TMED5: variants seen among roughly 807,000 people sequenced by gnomAD.
TMED5 encodes the protein transmembrane p24 trafficking protein 5, also known as transmembrane emp24 domain-containing protein 5.
Under a neutral mutation model 23.0 loss-of-function variants are expected in TMED5, and 27 were observed. The observed-to-expected ratio is 1.17, with a 90% CI of 0.86 to 1.62. TMED5 has a LOEUF of 1.62. TMED5 is among the 40% of genes most tolerant of loss of function. The pLI is 0.00. For synonymous variants in TMED5, 97 were observed against 100.8 expected (o/e 0.96, Z 0.23); for missense variants, 248 against 273.7 (o/e 0.91, Z 0.66).
intron 1 of TMED5, among the ~76,000 whole-genome samples, chr1:93,172,027 T>TA (rs1323748580): frequency 2.0e-5 from 3 of 152,262 alleles, no homozygotes; most frequent in South Asian, 2.1e-4. Flanking sequence ...TATTTAATAT[T>TA]AAAAAAATCT....
chr1:93,166,347 C>T (rs1402781044), intron 1 of TMED5, among the ~76,000 whole-genome samples: 1 of 152,156 alleles, frequency 6.6e-6, no homozygotes, highest in Non-Finnish European at 1.5e-5. Context: ...CCAAACTGTT[C>T]TCCATAGTGG....
chr1:93,154,538 A>C lies in TMED5; in HGVS notation c.*132T>G. 1.6e-6 allele frequency: 1 copy of C among 645,004 alleles called. No individual in the cohort carries two copies. Among genetic ancestry groups the C allele is most frequent in the Non-Finnish European group, 2.6e-6 (1 of 379,410 alleles). The allele number at this position is 645,004 out of a possible 1,614,324, so 40.0% of individuals were successfully genotyped here. On this transcript the variant is annotated 3_prime_UTR_variant, in exon 4 of 4. Transcript: ENST00000370282. ...CAGAAAGTGAAGACTTAATTTTCACATTAAAATTATACCTGTTTCCTACTT... is the reference window on the plus strand; with the variant it reads ...CAGAAAGTGAAGACTTAATTTTCACCTTAAAATTATACCTGTTTCCTACTT...
In TMED5 at chr1:93,158,058, A is replaced by G. The variant is rs542708708; in HGVS notation, c.288-1575T>C. ...AGAATGGCGTGAACCCAGGAGGCGG[A>G]GCTTGCAGTGAGCCGAGATCGCGCC... is the stretch of plus-strand genomic sequence containing the variant. On this transcript the variant is annotated intron_variant, in intron 2 of 3. Coordinates refer to ENST00000370282, the MANE Select transcript of TMED5 (RefSeq NM_016040.5). Among the ~76,000 whole-genome samples, 14 of 145,642 alleles carry G rather than the reference A, an allele frequency of 9.6e-5. No homozygotes were observed. In the South Asian group the frequency reaches 3.1e-3, roughly 32 times the overall value.
chr1:93,173,939 A>G (rs1423073538), intron 1 of TMED5, among the ~76,000 whole-genome samples: 1 of 152,122 alleles, frequency 6.6e-6, no homozygotes, highest in Admixed American at 6.5e-5. Flanking sequence ...CAGGCATTCA[A>G]TAGAGTTACA....
chr1:93,152,489 C>T lies in TMED5; in HGVS notation c.*2181G>A, dbSNP rs1647913985. ...TGCCTCTTAAATATCTGTCTTTTTACTTTGTCTATAAAAATAATTGTCCTT... is the reference window on the plus strand; with the variant it reads ...TGCCTCTTAAATATCTGTCTTTTTATTTTGTCTATAAAAATAATTGTCCTT... On this transcript the variant is annotated 3_prime_UTR_variant, in exon 4 of 4. Transcript: ENST00000370282. 6.6e-6 allele frequency: 1 copy of T among 152,090 alleles called. No homozygotes were observed. Among genetic ancestry groups the T allele is most frequent in the Non-Finnish European group, 1.5e-5 (1 of 67,956 alleles). 9.4% of individuals were successfully genotyped at this position (152,090 alleles called of 1,614,324 possible).
rs1445916363 is a variant in TMED5 at position 93,150,355 on chromosome 1, T to A, written c.*4315A>T. On this transcript the variant is annotated 3_prime_UTR_variant, in exon 4 of 4. Transcript: ENST00000370282. ...TCCATGGTGTGGACATACTAAACCA[T>A]TCACTCTTTTTGAAGGACATCCAGG... 1 of 152,238 alleles carries A rather than the reference T, an allele frequency of 6.6e-6. No homozygotes were observed. The highest frequency in any genetic ancestry group is 2.4e-5 in the African/African-American group (1 of 41,468). 9.4% of individuals were successfully genotyped at this position (152,238 alleles called of 1,614,324 possible). A position where few individuals can be genotyped will look rare whatever the true frequency, so the allele number is the denominator to read the frequency against.
Position 93,154,615 on chromosome 1 carries a change from G to A in TMED5, c.*55C>T. 7.8e-7 allele frequency: 1 copy of A among 1,286,580 alleles called. No individual in the cohort carries two copies. Among genetic ancestry groups the A allele is most frequent in the Non-Finnish European group, 1.1e-6 (1 of 900,090 alleles). The allele number at this position is 1,286,580 out of a possible 1,614,324, so 79.7% of individuals were successfully genotyped here. On this transcript the variant is annotated 3_prime_UTR_variant, in exon 4 of 4. Transcript: ENST00000370282. Reference sequence around the variant, plus strand: ...ACCATTAATGGTCTTGACTGTAACAGTTTATTGCATTTTTATGCCTCATTT... The same window carrying A: ...ACCATTAATGGTCTTGACTGTAACAATTTATTGCATTTTTATGCCTCATTT...
chr1:93,180,175 G>A lies in TMED5; in HGVS notation c.68C>T (p.Pro23Leu). ...LLAALPPVLL[P>L]GAAGFTPSLD... The stretch of plus-strand genomic sequence containing the variant: ...GGAAGGTGTGAAGCCGGCCGCCCCA[G>A]GCAGCAGCACCGGAGGCAGAGCGGC... The change falls in exon 1 of 4, where the codon CCT becomes CTT. Residue 23 changes from proline to leucine, a missense_variant. Physicochemically the swap from Pro to Leu is moderately conservative, Grantham distance 98. Coordinates refer to ENST00000370282, the MANE Select transcript of TMED5 (RefSeq NM_016040.5). The A allele has an allele frequency of 6.2e-7, 1 of 1,613,488 alleles. No individual in the cohort carries two copies. Among genetic ancestry groups the A allele is most frequent in the Non-Finnish European group, 8.5e-7 (1 of 1,179,764 alleles).
At position 93,152,101 on chromosome 1, in the gene TMED5, T is replaced by C. The variant is rs1647900734; in HGVS notation, c.*2569A>G. The C allele has an allele frequency of 2.6e-5, 4 of 152,644 alleles. No individual in the cohort carries two copies. 9.5% of individuals were successfully genotyped at this position (152,644 alleles called of 1,614,324 possible). On this transcript the variant is annotated 3_prime_UTR_variant, in exon 4 of 4. Coordinates refer to ENST00000370282, the MANE Select transcript of TMED5 (RefSeq NM_016040.5). Reference sequence around the variant, plus strand: ...AGACACCATTATGTGTAAGAAGGATTAATTTTACCATAAAATTACAAACAC... The same window carrying C: ...AGACACCATTATGTGTAAGAAGGATCAATTTTACCATAAAATTACAAACAC...
At chr1:93,178,591 G>A (rs1403138481) in intron 1 of TMED5, among the ~76,000 whole-genome samples, 1 of 151,690 alleles carries the variant, frequency 6.6e-6, no homozygotes, top group Non-Finnish European at 1.5e-5. Flanking sequence ...CTCCCCCTCC[G>A]TCTCCCCCAC....
chr1:93,170,078 T>C (rs1648657914), intron 1 of TMED5, among the ~76,000 whole-genome samples: 1 of 152,026 alleles, frequency 6.6e-6, no homozygotes, highest in Non-Finnish European at 1.5e-5. Context: ...AAAATATAAA[T>C]AAAAGGATAA....
chr1:93,167,340 A>G (rs562101907), intron 1 of TMED5, among the ~76,000 whole-genome samples: 49 of 152,282 alleles, frequency 3.2e-4, no homozygotes, highest in African/African-American at 1.2e-3. Flanking sequence ...CTGAATCTGT[A>G]GATTGCTTTG....
At chr1:93,176,171 A>C (rs1051624887) in intron 1 of TMED5, among the ~76,000 whole-genome samples, 4 of 152,204 alleles carry the variant, frequency 2.6e-5, no homozygotes, top group African/African-American at 9.7e-5. Context: ...TGACTTCTCT[A>C]AAGTAGACTT....
rs780134369 is a variant in TMED5 at position 93,154,732 on chromosome 1, A to T, written c.628T>A (p.Ser210Thr). The T allele has an allele frequency of 1.1e-5, 18 of 1,613,904 alleles. No individual in the cohort carries two copies. Among genetic ancestry groups the T allele is most frequent in the Non-Finnish European group, 1.5e-5 (18 of 1,180,008 alleles). The change falls in exon 4 of 4, where the codon TCA becomes ACA. Residue 210 changes from serine to threonine, a missense_variant. Coordinates refer to ENST00000370282, the MANE Select transcript of TMED5 (RefSeq NM_016040.5). ...TTCAGCATATAAACTTGAATGGCTG[A>T]CACCACCACCATGACCACTAAATTA... ...MVNLVVMVVV[S>T]AIQVYMLKSL...
At chr1:93,162,309 T>G (rs1648308915) in intron 1 of TMED5, 1 of 152,188 alleles carries the variant, frequency 6.6e-6, no homozygotes, top group Non-Finnish European at 1.5e-5. Context: ...ACAATTAAAA[T>G]CTATAGGCTG....
At chr1:93,155,383 A>G (rs1648034310) in intron 3 of TMED5, among the ~76,000 whole-genome samples, 1 of 152,220 alleles carries the variant, frequency 6.6e-6, no homozygotes, top group Non-Finnish European at 1.5e-5. Flanking sequence ...ACATATTTAT[A>G]TTGTTTATAA....
chr1:93,156,026 A>T, intron 3 of TMED5: 1 of 1,416,224 alleles, frequency 7.1e-7, no homozygotes. Flanking sequence ...CATTTATAAA[A>T]CAAACTTACC....
At chr1:93,169,882 TACACACACAC>T (rs59467244) in intron 1 of TMED5, among the ~76,000 whole-genome samples, 21 of 130,602 alleles carry the variant, frequency 1.6e-4, no homozygotes, top group African/African-American at 2.6e-4. Flanking sequence ...ACCCTGTCTG[TACACACACAC>T]ACACACACAC....
At chr1:93,175,428 G>A (rs1648880592) in intron 1 of TMED5, among the ~76,000 whole-genome samples, 1 of 144,836 alleles carries the variant, frequency 6.9e-6, no homozygotes, top group Non-Finnish European at 1.5e-5. Context: ...TATATATTTT[G>A]TATATGTATA....
Sources: allele counts gnomAD v4.1 joint callset (sites outside exome capture counted in the v4.1 genomes callset), GRCh38; gene constraint gnomAD v4.1.1; transcripts MANE v1.5; gene names NCBI Gene and HGNC (gene_info 2026-07-23, HGNC 2026-07-21).